SLC44A1: variants seen among roughly 807,000 people sequenced by gnomAD.
SLC44A1 encodes the protein choline transporter-like protein 1.
SLC44A1 carries 26 observed loss-of-function variants against 79.3 expected under a neutral mutation model. The observed-to-expected ratio is 0.33, with a 90% CI of 0.24 to 0.46. SLC44A1 has a LOEUF of 0.46. Among genes scored for constraint, SLC44A1 ranks in the 20% least tolerant of loss-of-function variants. SLC44A1 has a pLI of 1.00. For synonymous variants in SLC44A1, 263 were observed against 286.2 expected (o/e 0.92, Z 0.82); for missense variants, 688 against 798.1 (o/e 0.86, Z 1.66).
intron 3 of SLC44A1, among the ~76,000 whole-genome samples, chr9:105,323,926 C>CT (rs1564437103): frequency 6.6e-6 from 1 of 152,126 alleles, no homozygotes; most frequent in African/African-American, 2.4e-5. Flanking sequence ...ATTGCATGTC[C>CT]TTTTTTGCCC....
rs1185602083 is a variant in SLC44A1 at position 105,244,879 on chromosome 9, G to A, written c.11G>A (p.Cys4Tyr). The A allele has an allele frequency of 1.7e-6, 2 of 1,167,680 alleles. No homozygotes were observed. The highest frequency in any genetic ancestry group is 1.6e-5 in the African/African-American group (1 of 61,534). 72.3% of individuals were successfully genotyped at this position (1,167,680 alleles called of 1,614,324 possible). Residue 4 changes from cysteine to tyrosine, a missense_variant, in exon 1 of 16, where the codon TGC becomes TAC. Physicochemically the swap from Cys to Tyr is radical, Grantham distance 194. Coordinates refer to ENST00000374720, the MANE Select transcript of SLC44A1 (RefSeq NM_080546.5). MGC[C>Y]SSASSAAQSS... ...TCCTTCGGCCCCGCCATGGGCTGCT[G>A]CAGCTCCGCCTCCTCCGCCGCGCAG...
At chr9:105,276,494 A>T (rs1588722659) in intron 1 of SLC44A1, among the ~76,000 whole-genome samples, 1 of 151,970 alleles carries the variant, frequency 6.6e-6, no homozygotes, top group African/African-American at 2.4e-5. Flanking sequence ...CACAGGTAAA[A>T]TATACAGTAT....
chr9:105,421,906 C>G (rs554569949), intron 15 of SLC44A1, among the ~76,000 whole-genome samples: 1 of 152,236 alleles, frequency 6.6e-6, no homozygotes, highest in South Asian at 2.1e-4. Context: ...CTTTGAATTC[C>G]TTCAGCACAC....
intron 1 of SLC44A1, among the ~76,000 whole-genome samples, chr9:105,295,172 G>A (rs1034913234): frequency 6.6e-6 from 1 of 152,178 alleles, no homozygotes; most frequent in East Asian, 1.9e-4. Flanking sequence ...AAAGTCAGGA[G>A]TATATAGTAA....
chr9:105,380,858 C>A (rs1362952599), intron 13 of SLC44A1, among the ~76,000 whole-genome samples: 1 of 152,182 alleles, frequency 6.6e-6, no homozygotes, highest in South Asian at 2.1e-4. Context: ...ACCAACCAGA[C>A]TCTGGGATTA....
intron 2 of SLC44A1, among the ~76,000 whole-genome samples, chr9:105,305,635 G>A (rs1831008087): frequency 6.6e-6 from 1 of 152,076 alleles, no homozygotes; most frequent in Non-Finnish European, 1.5e-5. Context: ...TAATTCCACA[G>A]GAGAGGGCTT....
intron 1 of SLC44A1, among the ~76,000 whole-genome samples, chr9:105,296,917 C>G (rs1195935955): frequency 6.6e-6 from 1 of 152,112 alleles, no homozygotes; most frequent in African/African-American, 2.4e-5. Flanking sequence ...CTAAGAGATC[C>G]AGACTAACTC....
intron 15 of SLC44A1, among the ~76,000 whole-genome samples, chr9:105,425,602 C>T (rs770602843): frequency 3.3e-5 from 5 of 152,162 alleles, no homozygotes; most frequent in Non-Finnish European, 7.3e-5. Context: ...GCGGGCAGAT[C>T]ACCTGAGGTC....
At chr9:105,425,377 G>A (rs146323124) in intron 15 of SLC44A1, among the ~76,000 whole-genome samples, 27 of 152,252 alleles carry the variant, frequency 1.8e-4, no homozygotes, top group South Asian at 4.1e-4. Context: ...ATGAAATGTC[G>A]TAAAGGAAAA....
chr9:105,273,140 C>T (rs940786940), intron 1 of SLC44A1, among the ~76,000 whole-genome samples: 2 of 151,346 alleles, frequency 1.3e-5, no homozygotes, highest in Non-Finnish European at 2.9e-5. Flanking sequence ...TACAGGTGCC[C>T]ACCAGTACAC....
intron 1 of SLC44A1, among the ~76,000 whole-genome samples, chr9:105,246,092 C>A (rs1350516315): frequency 6.6e-6 from 1 of 151,912 alleles, no homozygotes; most frequent in Non-Finnish European, 1.5e-5. Context: ...TTTTAGGGGG[C>A]AGAAAAGGGC....
intron 15 of SLC44A1, among the ~76,000 whole-genome samples, chr9:105,415,719 T>C (rs752851721): frequency 1.6e-4 from 24 of 152,204 alleles, no homozygotes; most frequent in Non-Finnish European, 2.8e-4. Flanking sequence ...GCCCCAGATA[T>C]GGGACACTAA....
chr9:105,381,987 T>C (rs2131462815), intron 13 of SLC44A1, among the ~76,000 whole-genome samples: 1 of 152,302 alleles, frequency 6.6e-6, no homozygotes, highest in East Asian at 1.9e-4. Context: ...TAAAGCCTTA[T>C]ACAAGACAAA....
At chr9:105,368,722 TACG>T (rs1828013754) in intron 12 of SLC44A1, among the ~76,000 whole-genome samples, 2 of 152,182 alleles carry the variant, frequency 1.3e-5, no homozygotes, top group South Asian at 4.1e-4. Context: ...TTCTGTAAAC[TACG>T]ACAATTATGT....
In SLC44A1 at chr9:105,348,290, A is replaced by T. The variant is rs1349171908; in HGVS notation, c.407-68A>T. The T allele has an allele frequency of 3.7e-6, 3 of 821,768 alleles. No homozygotes were observed. The East Asian group carries it at 7.5e-5, about 21-fold the overall frequency. The allele number at this position is 821,768 out of a possible 1,614,324, so 50.9% of individuals were successfully genotyped here. On this transcript the variant is annotated intron_variant, in intron 4 of 15. Coordinates refer to ENST00000374720, the MANE Select transcript of SLC44A1 (RefSeq NM_080546.5). Reference sequence around the variant, plus strand: ...AGTTGCATATGTTGAATAATACAAAATTAAAATGAATAGTAAGAGAATTTT... The same window carrying T: ...AGTTGCATATGTTGAATAATACAAATTTAAAATGAATAGTAAGAGAATTTT...
At chr9:105,318,264 T>C (rs1826264717) in intron 3 of SLC44A1, among the ~76,000 whole-genome samples, 1 of 152,164 alleles carries the variant, frequency 6.6e-6, no homozygotes, top group African/African-American at 2.4e-5. Context: ...CACTGCAACC[T>C]CCGCCTCCCG....
At position 105,392,964 on chromosome 9, in the gene SLC44A1, A is replaced by C. The variant is rs184645828; in HGVS notation, c.*3908A>C. 117 of 963,292 alleles carry C rather than the reference A, an allele frequency of 1.2e-4. No individual in the cohort carries two copies. Among genetic ancestry groups the C allele is most frequent in the Admixed American group, 2.5e-4 (4 of 16,176 alleles). 59.7% of individuals were successfully genotyped at this position (963,292 alleles called of 1,614,324 possible). A position where few individuals can be genotyped will look rare whatever the true frequency, so the allele number is the denominator to read the frequency against. The stretch of plus-strand genomic sequence containing the variant: ...CTTTTCTACTGCTACTTTAAAAAAA[A>C]AACAACAACAACAAATAAAACTCTC... On this transcript the variant is annotated 3_prime_UTR_variant, in exon 16 of 16. Coordinates refer to ENST00000374720, the MANE Select transcript of SLC44A1 (RefSeq NM_080546.5).
chr9:105,423,465 CATAAA>C (rs1246841046), intron 15 of SLC44A1, among the ~76,000 whole-genome samples: 7 of 152,186 alleles, frequency 4.6e-5, no homozygotes, highest in South Asian at 2.1e-4. Context: ...GGCTCGGTCT[CATAAA>C]ATAAAATAAA....
Position 105,275,063 on chromosome 9 carries a change from A to G in SLC44A1, c.37-24157A>G, listed in dbSNP as rs374139635. Among the ~76,000 whole-genome samples the G allele has an allele frequency of 2.0e-5, 3 of 152,272 alleles. No individual in the cohort carries two copies. In the East Asian group the frequency reaches 5.8e-4, roughly 29 times the overall value. On this transcript the variant is annotated intron_variant, in intron 1 of 15. Coordinates refer to ENST00000374720, the MANE Select transcript of SLC44A1 (RefSeq NM_080546.5). ...TGATATAAAACAGTTCAATAGTATT[A>G]TGATTTCAAATTTAATTTGAAGTCA... is the stretch of plus-strand genomic sequence containing the variant.
Sources: allele counts gnomAD v4.1 joint callset (sites outside exome capture counted in the v4.1 genomes callset), GRCh38; gene constraint gnomAD v4.1.1; transcripts MANE v1.5; gene names NCBI Gene and HGNC (gene_info 2026-07-23, HGNC 2026-07-21).